Variants in ZNF493 observed in about 807,000 individuals in gnomAD.
The protein encoded by ZNF493 is zinc finger protein 493.
Under a neutral mutation model 12.2 loss-of-function variants are expected in ZNF493, and 11 were observed. The ratio of observed to expected loss-of-function variants is 0.90; its 90% CI spans 0.57 to 1.50. The LOEUF (loss-of-function observed/expected upper bound fraction) is 1.50, where lower values mean the gene tolerates loss of function less well. ZNF493 is among the 40% of genes most tolerant of loss of function. ZNF493 has a pLI of 0.00. For missense variants in ZNF493, 950 were observed against 906.6 expected (o/e 1.05, Z -0.61); for synonymous variants, 286 against 302.6 (o/e 0.95, Z 0.57).
At chr19:21,405,296 AGTTTTCATTTCTCT>A in intron 2 of ZNF493, 41 bp downstream of exon 2, 1 of 1,576,858 alleles carries the variant, frequency 6.3e-7, no homozygotes, top group Non-Finnish European at 8.6e-7. Flanking sequence ...TATACCCTAA[AGTTTTCATTTCTCT>A]GTTTTCATAG....
At chr19:21,413,865 TTAA>T (rs796674217) in intron 3 of ZNF493, 32 of 165,184 alleles carry the variant, frequency 1.9e-4, no homozygotes, top group African/African-American at 7.1e-4. Context: ...AAATTTAAAG[TTAA>T]TAATGCTAGA....
chr19:21,415,762 CGTT>C (rs1450787548), intron 3 of ZNF493, among the ~76,000 whole-genome samples: 1 of 152,052 alleles, frequency 6.6e-6, no homozygotes, highest in African/African-American at 2.4e-5. Flanking sequence ...GGCTGCTAAG[CGTT>C]GTTGTTTACT....
chr19:21,405,581 A>G, intron 2 of ZNF493, 180 bp from the exon 3 acceptor site: 1 of 1,148,386 alleles, frequency 8.7e-7, no homozygotes, highest in Non-Finnish European at 1.2e-6. Flanking sequence ...ACTGGGTGGC[A>G]AAATTAAGCA....
intron 3 of ZNF493, among the ~76,000 whole-genome samples, chr19:21,420,611 ATATATATATATATTTTTTTTTTTTTTTTT>A (rs2030634892): frequency 9.0e-5 from 1 of 11,110 alleles, no homozygotes; most frequent in African/African-American, 4.6e-4. Context: ...ATATATATAT[ATATATATATATATTTTTTTTTTTTTTTTT>A]TTTTTTTTTT....
At chr19:21,414,689 C>T (rs894648659) in intron 3 of ZNF493, 1 of 152,176 alleles carries the variant, frequency 6.6e-6, no homozygotes, top group Non-Finnish European at 1.5e-5. Context: ...ATATCAAAAG[C>T]AGTCAATACC....
rs1450376742 is a variant in ZNF493, at chr19:21,424,531, T to C, written c.1872T>C (p.Thr624=). ...SILSIHKKIH[T]GEKPYKCEEC... ...TTAGTATACATAAGAAAATTCATACTGGAGAAAAACCCTACAAATGTGAAG... is the reference window on the plus strand; with the variant it reads ...TTAGTATACATAAGAAAATTCATACCGGAGAAAAACCCTACAAATGTGAAG... The change falls in exon 4 of 4, where the codon ACT becomes ACC. Residue 624 remains threonine (T), a synonymous_variant. Coordinates refer to ENST00000392288, the MANE Select transcript of ZNF493 (RefSeq NM_001076678.3). 3 of 1,613,466 alleles carry C rather than the reference T, an allele frequency of 1.9e-6. No individual in the cohort carries two copies. The South Asian group carries it at 3.3e-5, about 18-fold the overall frequency.
At chr19:21,408,881 CTTTT>C (rs201812196) in intron 3 of ZNF493, 1,003 of 593,682 alleles carry the variant, frequency 1.7e-3, no homozygotes, top group Middle Eastern at 3.2e-3. Context: ...TTCTTTCTTT[CTTTT>C]TTTTTTTTTT....
Position 21,423,571 on chromosome 19 carries a change from A to G in ZNF493, c.912A>G (p.Gln304=), listed in dbSNP as rs1377535068. The change falls in exon 4 of 4, where the codon CAA becomes CAG. Residue 304 remains glutamine (Q), a synonymous_variant. Coordinates refer to ENST00000392288, the MANE Select transcript of ZNF493 (RefSeq NM_001076678.3). The part of the protein sequence containing the change: ...KCEQYGKTFN[Q]SSTLTGHKII... ...AACAATATGGCAAAACTTTTAACCA[A>G]TCTTCAACCCTTACTGGACATAAGA... 21 of 1,613,640 alleles carry G rather than the reference A, an allele frequency of 1.3e-5. No homozygotes were observed. Among genetic ancestry groups the G allele is most frequent in the South Asian group, 4.4e-5 (4 of 91,076 alleles).
intron 3 of ZNF493, among the ~76,000 whole-genome samples, chr19:21,421,493 G>A (rs911970965): frequency 3.3e-5 from 5 of 151,746 alleles, no homozygotes; most frequent in African/African-American, 4.8e-5. Context: ...AGACTCCCAA[G>A]TAGATGGGAT....
chr19:21,404,846 TA>T (rs2030061913), intron 1 of ZNF493, among the ~76,000 whole-genome samples: 1 of 149,366 alleles, frequency 6.7e-6, no homozygotes, highest in East Asian at 1.9e-4. Flanking sequence ...AATATAGCAC[TA>T]AAAAATGTAC....
chr19:21,408,567 T>C (rs2030213683), intron 3 of ZNF493: 1 of 985,096 alleles, frequency 1.0e-6, no homozygotes, highest in African/African-American at 1.7e-5. Flanking sequence ...TCAAATACTG[T>C]AGTTAGACAA....
At chr19:21,408,566 G>A in intron 3 of ZNF493, 2 of 985,080 alleles carry the variant, frequency 2.0e-6, no homozygotes, top group Non-Finnish European at 2.4e-6. Flanking sequence ...GTCAAATACT[G>A]TAGTTAGACA....
chr19:21,409,803 T>G (rs2030261438), intron 3 of ZNF493, among the ~76,000 whole-genome samples: 1 of 152,094 alleles, frequency 6.6e-6, no homozygotes, highest in Non-Finnish European at 1.5e-5. Context: ...TGCAAAAGAC[T>G]TCTAAAAGTT....
At chr19:21,408,872 T>C (rs568812407) in intron 3 of ZNF493, 1 of 862,914 alleles carries the variant, frequency 1.2e-6, no homozygotes, top group South Asian at 5.6e-5. Flanking sequence ...ATATATTCTT[T>C]CTTTCTTTCT....
At chr19:21,412,487 GC>G in intron 3 of ZNF493, 1 of 154,032 alleles carries the variant, frequency 6.5e-6, no homozygotes, top group East Asian at 2.0e-4. Context: ...CAGTTTTGGG[GC>G]CAGTTTATGG....
At chr19:21,410,457 T>C (rs2030287542) in intron 3 of ZNF493, among the ~76,000 whole-genome samples, 1 of 152,158 alleles carries the variant, frequency 6.6e-6, no homozygotes, top group Admixed American at 6.5e-5. Flanking sequence ...CTACAAAGTA[T>C]TAATTTTCTG....
rs1193500393 is a variant in ZNF493 at position 21,424,857 on chromosome 19, T to A, written c.2198T>A (p.Leu733Gln). 1 of 1,612,226 alleles carries A rather than the reference T, an allele frequency of 6.2e-7. No homozygotes were observed. The highest frequency in any genetic ancestry group is 2.2e-5 in the East Asian group (1 of 44,690). ...TCCTCAAACCTTATTAAACATAAGC[T>A]AATTCATACTGGAGACAAACCCTAC... Reference protein sequence around the residue: ...NHSSNLIKHKLIHTGDKPYKC... With the variant: ...NHSSNLIKHKQIHTGDKPYKC... The change falls in exon 4 of 4, where the codon CTA becomes CAA. Residue 733 changes from leucine to glutamine, a missense_variant. Physicochemically the swap from Leu to Gln is moderately radical, Grantham distance 113. Transcript: ENST00000392288.
chr19:21,414,825 T>C (rs914385166), intron 3 of ZNF493, among the ~76,000 whole-genome samples: 2 of 152,186 alleles, frequency 1.3e-5, no homozygotes, highest in Non-Finnish European at 2.9e-5. Flanking sequence ...ACTCAGCACC[T>C]TCAATTGGTT....
At position 21,423,096 on chromosome 19, in the gene ZNF493, T is replaced by C. The variant is rs147492357; in HGVS notation, c.437T>C (p.Leu146Ser). ...GGTTATAATGAACTAAACCAGTATT[T>C]GACAACTACCCAGAGCAAAATATTT... ...KEGYNELNQY[L>S]TTTQSKIFQC... The change falls in exon 4 of 4, where the codon TTG (leucine) becomes TCG (serine). Residue 146 changes from leucine (L) to serine (S), a missense_variant. Transcript: ENST00000392288. The C allele has an allele frequency of 4.6e-5, 74 of 1,613,734 alleles. No homozygotes were observed. The African/African-American group carries it at 9.6e-4, about 21-fold the overall frequency.
Sources: gnomAD v4.1 joint callset for allele counts (sites outside exome capture counted in the v4.1 genomes callset) on GRCh38, gnomAD v4.1.1 for gene constraint, MANE v1.5 for transcripts, NCBI Gene and HGNC (gene_info 2026-07-23, HGNC 2026-07-21) for gene names.